The following ACSM2A variants were observed in gnomAD, a reference collection of about 807,000 sequenced individuals.
ACSM2A encodes the protein acyl-CoA synthetase medium chain family member 2A, also known as acyl-coenzyme A synthetase ACSM2A, mitochondrial.
Under a neutral mutation model 76.6 loss-of-function variants are expected in ACSM2A, and 72 were observed. The observed-to-expected ratio is 0.94, with a 90% confidence interval of 0.78 to 1.14. The LOEUF is 1.14. Among genes scored for constraint, ACSM2A ranks in the 50% most tolerant of loss-of-function variants. The pLI is 0.00. For missense variants in ACSM2A, 684 were observed against 708.5 expected, an observed-to-expected ratio of 0.97 and a Z score of 0.39; for synonymous variants, 249 against 255.9, an observed-to-expected ratio of 0.97 and a Z score of 0.26.
In ACSM2A at chr16:20,478,243, T is replaced by C. The variant is rs552646276; in HGVS notation, c.1180-333T>C. Among the ~76,000 whole-genome samples, 20 of 152,242 alleles carry C rather than the reference T, an allele frequency of 1.3e-4. 1 individual carries two copies. In the South Asian group the frequency reaches 4.2e-3, roughly 32 times the overall value. On this transcript the variant is annotated intron_variant, in intron 9 of 13. Transcript: ENST00000573854. ...CAGCTAGTAAGGTAGCAGAGTAAAT[T>C]TGAGTTTTGATCTGCCCGATTTCTA...
At chr16:20,453,941 C>T (rs1346908841) in intron 1 of ACSM2A, 1 of 124,204 alleles carries the variant, frequency 8.1e-6, no homozygotes, top group African/African-American at 3.4e-5. Context: ...AACCCTGTTT[C>T]CTGTGAAGAT....
At chr16:20,461,790 G>C (rs2012638961) in intron 2 of ACSM2A, among the ~76,000 whole-genome samples, 1 of 152,108 alleles carries the variant, frequency 6.6e-6, no homozygotes, top group Non-Finnish European at 1.5e-5. Context: ...AAATACAAAA[G>C]GTTGTTTTTT....
Position 20,471,229 on chromosome 16 carries a change from C to A in ACSM2A, c.740+13C>A, listed in dbSNP as rs760035664. 6.2e-7 allele frequency: 1 copy of A among 1,606,652 alleles called. No individual in the cohort carries two copies. Among genetic ancestry groups the A allele is most frequent in the Non-Finnish European group, 8.5e-7 (1 of 1,175,846 alleles). On this transcript the variant is annotated intron_variant, in intron 5 of 13. Transcript: ENST00000573854. ...AGATGGATGCTGGGTAAGCTGAGCT[C>A]TTTCTCTCTACAGAGAATTACATGA...
chr16:20,481,922 G>A (rs2014107699), intron 12 of ACSM2A: 1 of 100,562 alleles, frequency 9.9e-6, no homozygotes, highest in African/African-American at 3.2e-5. Context: ...GGATCACGAG[G>A]TCAGGAGTCC....
chr16:20,463,265 A>C (rs1001330726), intron 2 of ACSM2A, among the ~76,000 whole-genome samples: 11 of 150,316 alleles, frequency 7.3e-5, no homozygotes, highest in African/African-American at 2.7e-4. Context: ...AATCCAACCA[A>C]AAAAAAAAGA....
At chr16:20,465,473 T>C in intron 2 of ACSM2A, 44 bp from the exon 3 acceptor site, 1 of 1,605,202 alleles carries the variant, frequency 6.2e-7, no homozygotes, top group South Asian at 1.1e-5. Context: ...CCTACCTGCT[T>C]GTGTACCAAT....
chr16:20,476,499 A>G, intron 8 of ACSM2A: 1 of 985,446 alleles, frequency 1.0e-6, no homozygotes, highest in Non-Finnish European at 1.2e-6. Context: ...GGTATGAAAG[A>G]GCCAGGAAGA....
intron 13 of ACSM2A, among the ~76,000 whole-genome samples, chr16:20,483,485 A>T (rs1199766918): frequency 7.2e-6 from 1 of 138,092 alleles, no homozygotes; most frequent in African/African-American, 2.6e-5. Flanking sequence ...CATGAGAATC[A>T]CTTGAATCTG....
intron 1 of ACSM2A, among the ~76,000 whole-genome samples, chr16:20,459,297 G>A (rs2012458045): frequency 6.6e-6 from 1 of 152,100 alleles, no homozygotes; most frequent in African/African-American, 2.4e-5. Context: ...AATTATGACA[G>A]CTGTAATTTC....
rs1483540039 is a variant in ACSM2A at position 20,475,374 on chromosome 16, T to A, written c.907T>A (p.Tyr303Asn). 6.2e-7 allele frequency: 1 copy of A among 1,613,766 alleles called. No homozygotes were observed. The highest frequency in any genetic ancestry group is 1.7e-5 in the Admixed American group (1 of 60,000). Reference protein sequence around the residue: ...PLVILKTLSSYPIKSMMGAPI... With the variant: ...PLVILKTLSSNPIKSMMGAPI... ...TCTTGTCTTCCAGACACTCTCCAGT[T>A]ATCCAATCAAGAGTATGATGGGTGC... The change falls in exon 7 of 14, where the codon TAT becomes AAT. Residue 303 changes from tyrosine (Y) to asparagine (N), a missense_variant. Physicochemically the swap from Tyr to Asn is moderately radical, Grantham distance 143. Transcript: ENST00000573854.
At chr16:20,484,997 C>A (rs959617631) in intron 13 of ACSM2A, among the ~76,000 whole-genome samples, 1 of 152,118 alleles carries the variant, frequency 6.6e-6, no homozygotes, top group African/African-American at 2.4e-5. Context: ...TTGGGTTCAA[C>A]GTTCACCTCC....
At chr16:20,462,716 C>T (rs1265094399) in intron 2 of ACSM2A, among the ~76,000 whole-genome samples, 1 of 152,012 alleles carries the variant, frequency 6.6e-6, no homozygotes, top group Non-Finnish European at 1.5e-5. Context: ...AACCCTTATG[C>T]ATCATGATGG....
chr16:20,482,802 C>T, intron 12 of ACSM2A: 1 of 327,140 alleles, frequency 3.1e-6, no homozygotes, highest in Non-Finnish European at 5.6e-6. Context: ...TTCTCCTTAT[C>T]TGTCTCTATT....
At position 20,471,090 on chromosome 16, in the gene ACSM2A, A is replaced by T. The variant is rs983606886; in HGVS notation, c.614A>T (p.His205Leu). ...KKLLNEASTT[H>L]HCVETGSQEA... ...TCTGTCAGTGAGGCATCCACCACTC[A>T]TCACTGTGTGGAGACTGGAAGCCAG... The change falls in exon 5 of 14, where the codon CAT becomes CTT. Residue 205 changes from histidine (H) to leucine (L), a missense_variant. This residue lies in a region of ACSM2A where 519 missense variants were observed against 549.5 expected (regional missense o/e 0.94). Coordinates refer to ENST00000573854, the MANE Select transcript of ACSM2A (RefSeq NM_001308172.2). 4 of 1,613,468 alleles carry T rather than the reference A, an allele frequency of 2.5e-6. No individual in the cohort carries two copies. In the African/African-American group the frequency reaches 5.3e-5, roughly 22 times the overall value.
At chr16:20,477,749 T>C (rs1191411795) in intron 9 of ACSM2A, among the ~76,000 whole-genome samples, 1 of 152,204 alleles carries the variant, frequency 6.6e-6, no homozygotes, top group Non-Finnish European at 1.5e-5. Flanking sequence ...CTTGACATAA[T>C]ATTTTGTAAC....
chr16:20,479,332 C>A (rs942598482), intron 10 of ACSM2A, among the ~76,000 whole-genome samples: 1 of 152,108 alleles, frequency 6.6e-6, no homozygotes, highest in African/African-American at 2.4e-5. Context: ...TTATTGAATG[C>A]ATATCATGAG....
At chr16:20,479,618 A>T (rs894094736) in intron 10 of ACSM2A, among the ~76,000 whole-genome samples, 3 of 152,212 alleles carry the variant, frequency 2.0e-5, no homozygotes, top group African/African-American at 7.2e-5. Flanking sequence ...AGGAAAACTG[A>T]GCCTCAGTGA....
chr16:20,482,857 C>G (rs2014161980), intron 12 of ACSM2A: 3 of 692,798 alleles, frequency 4.3e-6, no homozygotes, highest in African/African-American at 3.6e-5. Flanking sequence ...TTTTGTCCAC[C>G]TGCTCCTCCA....
chr16:20,475,863 C>G, intron 8 of ACSM2A, 90 bp downstream of exon 8: 1 of 1,583,286 alleles, frequency 6.3e-7, no homozygotes, highest in Non-Finnish European at 8.6e-7. Flanking sequence ...CACCATGTAT[C>G]ATTCATCTAT....
Sources: allele counts gnomAD v4.1 joint callset (sites outside exome capture counted in the v4.1 genomes callset), GRCh38; gene constraint gnomAD v4.1.1; regional missense constraint gnomAD v4.1.1; transcripts MANE v1.5; gene names NCBI Gene and HGNC (gene_info 2026-07-23, HGNC 2026-07-21).